NTM: variants seen among roughly 807,000 people sequenced by gnomAD.
The protein encoded by NTM is IgLON family member 2.
Under a neutral mutation model 42.1 loss-of-function variants are expected in NTM, and 13 were observed. The observed-to-expected ratio is 0.31, with a 90% CI of 0.20 to 0.49. The LOEUF is 0.49. Among genes scored for constraint, NTM ranks in the 20% least tolerant of loss-of-function variants. The pLI, the probability that NTM is intolerant of heterozygous loss-of-function variation, is 0.99. For synonymous variants in NTM, 187 were observed against 179.2 expected, an observed-to-expected ratio of 1.04 and a Z score of -0.35; for missense variants, 373 against 452.8, an observed-to-expected ratio of 0.82 and a Z score of 1.60.
At chr11:131,526,263 C>T (rs1462086908) in intron 1 of NTM, among the ~76,000 whole-genome samples, 3 of 152,220 alleles carry the variant, frequency 2.0e-5, no homozygotes, top group African/African-American at 4.8e-5. Flanking sequence ...AAAAGACAGT[C>T]ACCCTAAATT....
chr11:132,315,031 G>T, intron 7 of NTM: 1 of 1,096,120 alleles, frequency 9.1e-7, no homozygotes, highest in Non-Finnish European at 1.1e-6. Context: ...TAATGGAAAA[G>T]ATCCCGAGAT....
At position 131,823,024 on chromosome 11, in the gene NTM, T is replaced by C. The variant is rs184812752; in HGVS notation, c.83-88540T>C. 3.1e-3 allele frequency among the ~76,000 whole-genome samples: 471 copies of C among 152,320 alleles called. 3 individuals carry two copies. The highest frequency in any genetic ancestry group is 0.011 in the African/African-American group (452 of 41,572). ...TCTGCCTTCTGTAGTTTATTTTGTT[T>C]TATCTTTAATGATGACAGGCAGGAG... On this transcript the variant is annotated intron_variant, in intron 1 of 8. Transcript: ENST00000683400.
chr11:131,510,763 T>C (rs2048124981), intron 1 of NTM, among the ~76,000 whole-genome samples: 1 of 152,214 alleles, frequency 6.6e-6, no homozygotes, highest in East Asian at 1.9e-4. Context: ...TTCCCCAGTT[T>C]TGCAGTCAAG....
At chr11:131,905,460 G>A (rs80257493) in intron 1 of NTM, among the ~76,000 whole-genome samples, 9 of 152,078 alleles carry the variant, frequency 5.9e-5, no homozygotes, top group South Asian at 2.1e-4. Context: ...GCTCCTTTCC[G>A]TCTTGGGTCG....
intron 1 of NTM, among the ~76,000 whole-genome samples, chr11:131,592,005 A>G (rs909315783): frequency 1.3e-5 from 2 of 152,122 alleles, no homozygotes; most frequent in Non-Finnish European, 2.9e-5. Flanking sequence ...TCCTCCCTTT[A>G]TACAAATAGA....
intron 1 of NTM, among the ~76,000 whole-genome samples, chr11:131,696,299 G>C (rs144097610): frequency 6.6e-6 from 1 of 152,150 alleles, no homozygotes; most frequent in Admixed American, 6.5e-5. Flanking sequence ...GCAAGTCCGG[G>C]AAAACAAGGC....
chr11:131,410,802 A>G (rs1290128183), intron 1 of NTM, among the ~76,000 whole-genome samples: 1 of 152,176 alleles, frequency 6.6e-6, no homozygotes, highest in Non-Finnish European at 1.5e-5. Flanking sequence ...CATTATTGGA[A>G]CGCTAAACAT....
chr11:132,203,674 G>A (rs1172681514), intron 3 of NTM, among the ~76,000 whole-genome samples: 5 of 152,178 alleles, frequency 3.3e-5, no homozygotes, highest in South Asian at 2.1e-4. Context: ...GGCAGATCAC[G>A]AGGTCAGGAG....
intron 2 of NTM, among the ~76,000 whole-genome samples, chr11:132,033,761 G>T (rs1389646746): frequency 2.6e-5 from 4 of 152,166 alleles, no homozygotes; most frequent in African/African-American, 9.7e-5. Context: ...GATCTCGCTT[G>T]GTTCTTTAAG....
In NTM at chr11:131,675,451, G is replaced by A. The variant is rs545955028; in HGVS notation, c.83-236113G>A. ...GTTATAACTTTTTGGAATGGTGGCC[G>A]CATTAATTAATCATTGCTTGTTGAG... On this transcript the variant is annotated intron_variant, in intron 1 of 8. Coordinates refer to ENST00000683400, the MANE Select transcript of NTM (RefSeq NM_001352005.2). Among the ~76,000 whole-genome samples, 12 of 152,244 alleles carry A rather than the reference G, an allele frequency of 7.9e-5. No individual in the cohort carries two copies. In the South Asian group the frequency reaches 8.3e-4, roughly 11 times the overall value.
intron 4 of NTM, among the ~76,000 whole-genome samples, chr11:132,247,915 C>A (rs2091407159): frequency 6.6e-6 from 1 of 152,144 alleles, no homozygotes; most frequent in Admixed American, 6.6e-5. Context: ...AACTAGTTAA[C>A]CCCTGAGAAA....
intron 1 of NTM, among the ~76,000 whole-genome samples, chr11:131,628,300 T>G (rs909244513): frequency 6.6e-6 from 1 of 152,264 alleles, no homozygotes; most frequent in Non-Finnish European, 1.5e-5. Flanking sequence ...AAATCTGTTT[T>G]TCTCATTTGC....
intron 1 of NTM, among the ~76,000 whole-genome samples, chr11:131,880,353 GAGA>G (rs1478955710): frequency 6.6e-6 from 1 of 152,208 alleles, no homozygotes; most frequent in Non-Finnish European, 1.5e-5. Flanking sequence ...TTATAGGCTA[GAGA>G]AGGAGAGGAC....
chr11:132,016,457 CTTCTT>C (rs138246374), intron 2 of NTM, among the ~76,000 whole-genome samples: 13,317 of 151,770 alleles, frequency 0.088, 764 homozygotes, highest in Non-Finnish European at 0.13. Flanking sequence ...TTGCATCTGA[CTTCTT>C]TTCATGTTTT....
At chr11:131,453,819 C>G (rs185187676) in intron 1 of NTM, among the ~76,000 whole-genome samples, 2,823 of 152,240 alleles carry the variant, frequency 0.019, 94 homozygotes, top group African/African-American at 0.065. Flanking sequence ...ATAACTCCAA[C>G]ATCCACATGT....
intron 3 of NTM, among the ~76,000 whole-genome samples, chr11:132,188,335 T>C (rs566619547): frequency 6.6e-6 from 1 of 152,318 alleles, no homozygotes; most frequent in Admixed American, 6.5e-5. Flanking sequence ...AGTGCCTGGC[T>C]GAGGGGCCAG....
chr11:131,776,592 T>C (rs2087019807), intron 1 of NTM, among the ~76,000 whole-genome samples: 1 of 152,180 alleles, frequency 6.6e-6, no homozygotes, highest in African/African-American at 2.4e-5. Context: ...ATTTTTTTTT[T>C]TTTGTCAGCA....
At chr11:131,525,134 G>T (rs2050287485) in intron 1 of NTM, among the ~76,000 whole-genome samples, 1 of 152,156 alleles carries the variant, frequency 6.6e-6, no homozygotes, top group African/African-American at 2.4e-5. Context: ...GTGGCCACCT[G>T]GGGAAGGGAC....
At chr11:131,447,892 G>A (rs1244246810) in intron 1 of NTM, among the ~76,000 whole-genome samples, 1 of 152,190 alleles carries the variant, frequency 6.6e-6, no homozygotes, top group Non-Finnish European at 1.5e-5. Context: ...GGCAGGTCTG[G>A]CCTAGTTCTG....
Sources: gnomAD v4.1 joint callset for allele counts (sites outside exome capture counted in the v4.1 genomes callset) on GRCh38, gnomAD v4.1.1 for gene constraint, MANE v1.5 for transcripts, NCBI Gene and HGNC (gene_info 2026-07-23, HGNC 2026-07-21) for gene names.